The following PLEKHM3 variants were observed in gnomAD, a reference collection of about 807,000 sequenced individuals.
PLEKHM3 encodes the protein pleckstrin homology domain-containing family M member 3.
A neutral mutation model predicts 81.8 loss-of-function variants in PLEKHM3; 45 were observed. The observed-to-expected ratio is 0.55, with a 90% CI of 0.43 to 0.71. The LOEUF is 0.71. Ranked by LOEUF, PLEKHM3 falls within the 30% of genes least tolerant of loss-of-function variation. The pLI is 0.00. For missense variants in PLEKHM3, 788 were observed against 924.3 expected, an observed-to-expected ratio of 0.85 and a Z score of 1.91; for synonymous variants, 352 against 356.4, an observed-to-expected ratio of 0.99 and a Z score of 0.14.
chr2:207,842,975 C>A (rs896904116), intron 7 of PLEKHM3, among the ~76,000 whole-genome samples: 4 of 152,150 alleles, frequency 2.6e-5, no homozygotes, highest in African/African-American at 9.7e-5. Flanking sequence ...GAGACAGGGT[C>A]TCATTCCATC....
In PLEKHM3 at chr2:207,868,893, G is replaced by A. The variant is rs976099873; in HGVS notation, c.1951-7631C>T. The A allele has an allele frequency of 2.6e-5, 4 of 152,180 alleles. 1 individual carries two copies. The South Asian group carries it at 8.3e-4, about 32-fold the overall frequency. The allele number at this position is 152,180 out of a possible 1,614,324, so 9.4% of individuals were successfully genotyped here. ...CTTCTGATATTATCTGTTTGGATGG[G>A]ATCAGTAGAAATTAATGTAAAGCAG... is the stretch of plus-strand genomic sequence containing the variant. On this transcript the variant is annotated intron_variant, in intron 6 of 7. Transcript: ENST00000427836.
At chr2:207,978,367 C>G (rs1027594335) in intron 2 of PLEKHM3, among the ~76,000 whole-genome samples, 2 of 148,730 alleles carry the variant, frequency 1.3e-5, no homozygotes, top group Non-Finnish European at 3.0e-5. Flanking sequence ...CGGTAAAAAC[C>G]GCAATTACTT....
At chr2:207,942,480 C>T (rs1241095004) in intron 4 of PLEKHM3, among the ~76,000 whole-genome samples, 2 of 152,160 alleles carry the variant, frequency 1.3e-5, no homozygotes, top group Non-Finnish European at 2.9e-5. Flanking sequence ...CTACTGCACT[C>T]CACACCTTGA....
rs139464253 is a variant in PLEKHM3, at chr2:208,012,900, C to A, written c.-318-10943G>T. Among the ~76,000 whole-genome samples the A allele has an allele frequency of 2.6e-3, 398 of 152,316 alleles. 2 individuals carry two copies. The highest frequency in any genetic ancestry group is 9.0e-3 in the African/African-American group (374 of 41,566). On this transcript the variant is annotated intron_variant, in intron 1 of 7. Transcript: ENST00000427836. Reference sequence around the variant, plus strand: ...TAATCACATAACCATTTATCCTCAACAAGCATTTATAGAGGACGGACCAAG... The same window carrying A: ...TAATCACATAACCATTTATCCTCAAAAAGCATTTATAGAGGACGGACCAAG...
Position 207,922,806 on chromosome 2 carries a change from C to T in PLEKHM3, c.1886+8120G>A, listed in dbSNP as rs149191117. ...CAGCCTGGGCAACAGAGAGAGACTC[C>T]GTCTCAAAAAAAAAAAAAGAAGACC... is the stretch of plus-strand genomic sequence containing the variant. On this transcript the variant is annotated intron_variant, in intron 5 of 7. Coordinates refer to ENST00000427836, the MANE Select transcript of PLEKHM3 (RefSeq NM_001080475.3). Among the ~76,000 whole-genome samples the T allele has an allele frequency of 2.7e-3, 404 of 148,348 alleles. 6 individuals carry two copies. Among genetic ancestry groups the T allele is most frequent in the African/African-American group, 9.7e-3 (383 of 39,490 alleles).
chr2:207,967,046 T>G (rs1690939592), intron 3 of PLEKHM3, among the ~76,000 whole-genome samples: 1 of 152,210 alleles, frequency 6.6e-6, no homozygotes, highest in Non-Finnish European at 1.5e-5. Flanking sequence ...TGCAGTGTCA[T>G]GATTATAGCT....
At chr2:207,955,574 T>C (rs897818973) in intron 3 of PLEKHM3, among the ~76,000 whole-genome samples, 1 of 152,232 alleles carries the variant, frequency 6.6e-6, no homozygotes, top group African/African-American at 2.4e-5. Flanking sequence ...TTAATCCTCA[T>C]ACCAATTCTA....
intron 7 of PLEKHM3, among the ~76,000 whole-genome samples, chr2:207,830,917 G>A (rs1018737342): frequency 6.6e-6 from 1 of 152,166 alleles, no homozygotes; most frequent in African/African-American, 2.4e-5. Flanking sequence ...CCCAGTCTGT[G>A]GTCTTCCGTG....
chr2:207,909,185 G>A (rs1284445040), intron 5 of PLEKHM3, among the ~76,000 whole-genome samples: 1 of 152,178 alleles, frequency 6.6e-6, no homozygotes, highest in African/African-American at 2.4e-5. Flanking sequence ...AATGGGACAA[G>A]ATATTTTAAA....
At chr2:208,023,441 C>A (rs1693194207) in intron 1 of PLEKHM3, among the ~76,000 whole-genome samples, 1 of 152,154 alleles carries the variant, frequency 6.6e-6, no homozygotes, top group African/African-American at 2.4e-5. Context: ...GTCCCCAACC[C>A]CCATGTCTGT....
At chr2:207,897,928 T>C (rs992194719) in intron 6 of PLEKHM3, among the ~76,000 whole-genome samples, 8 of 152,196 alleles carry the variant, frequency 5.3e-5, no homozygotes, top group Non-Finnish European at 1.0e-4. Context: ...GCCTTCCTAA[T>C]GTTTGCATTG....
intron 5 of PLEKHM3, among the ~76,000 whole-genome samples, chr2:207,924,080 AT>A (rs1262814177): frequency 4.9e-4 from 74 of 149,788 alleles, no homozygotes; most frequent in Non-Finnish European, 5.9e-5. Context: ...TAATTTTTGT[AT>A]TTTTAGTAGA....
intron 2 of PLEKHM3, among the ~76,000 whole-genome samples, chr2:208,000,676 G>A (rs1333825114): frequency 6.6e-6 from 1 of 152,178 alleles, no homozygotes; most frequent in East Asian, 1.9e-4. Flanking sequence ...AGAACAGGCA[G>A]TATCATACAA....
intron 5 of PLEKHM3, among the ~76,000 whole-genome samples, chr2:207,924,685 A>AAAACC (rs1689327703): frequency 6.6e-6 from 1 of 152,142 alleles, no homozygotes; most frequent in South Asian, 2.1e-4. Flanking sequence ...ACTCTGTCTC[A>AAAACC]AAACCAAACC....
intron 2 of PLEKHM3, among the ~76,000 whole-genome samples, chr2:207,988,473 G>A (rs1691796519): frequency 6.6e-6 from 1 of 152,204 alleles, no homozygotes. Context: ...CACTATGTAA[G>A]TGTTCAACAG....
At chr2:208,002,429 T>A (rs1692341563) in intron 1 of PLEKHM3, among the ~76,000 whole-genome samples, 1 of 152,162 alleles carries the variant, frequency 6.6e-6, no homozygotes, top group African/African-American at 2.4e-5. Context: ...TCTGCCCTTT[T>A]TTTAAATCCA....
In PLEKHM3 at chr2:207,827,688, A is replaced by G. The variant is rs2092259034; in HGVS notation, c.*631T>C. 1 of 152,162 alleles carries G rather than the reference A, an allele frequency of 6.6e-6. No homozygotes were observed. The highest frequency in any genetic ancestry group is 2.4e-5 in the African/African-American group (1 of 41,438). 9.4% of individuals were successfully genotyped at this position (152,162 alleles called of 1,614,324 possible). On this transcript the variant is annotated 3_prime_UTR_variant, in exon 8 of 8. Coordinates refer to ENST00000427836, the MANE Select transcript of PLEKHM3 (RefSeq NM_001080475.3). Reference sequence around the variant, plus strand: ...AGCCCTCCTCATAAATGAGGGGTGTATGCTTTCTGTCAGAGGGGGCTTGGC... The same window carrying G: ...AGCCCTCCTCATAAATGAGGGGTGTGTGCTTTCTGTCAGAGGGGGCTTGGC...
At chr2:207,860,037 G>A (rs2092458407) in intron 7 of PLEKHM3, among the ~76,000 whole-genome samples, 1 of 152,066 alleles carries the variant, frequency 6.6e-6, no homozygotes, top group Non-Finnish European at 1.5e-5. Flanking sequence ...CCTCTCACTT[G>A]GCCATAAAAA....
intron 6 of PLEKHM3, among the ~76,000 whole-genome samples, chr2:207,878,686 T>C (rs538756483): frequency 1.3e-5 from 2 of 152,232 alleles, no homozygotes; most frequent in South Asian, 4.2e-4. Context: ...TACCAATTCA[T>C]AGGGGATAAA....
Sources: allele counts gnomAD v4.1 joint callset (sites outside exome capture counted in the v4.1 genomes callset), GRCh38; gene constraint gnomAD v4.1.1; transcripts MANE v1.5; gene names NCBI Gene and HGNC (gene_info 2026-07-23, HGNC 2026-07-21).